The following NXPH3 variants were observed in gnomAD, a reference collection of about 807,000 sequenced individuals.
NXPH3 encodes neurexophilin-3.
A neutral mutation model predicts 18.8 loss-of-function variants in NXPH3; 7 were observed. That is an observed-to-expected ratio of 0.37 (90% confidence interval 0.21 to 0.70). The LOEUF is 0.70. Among genes scored for constraint, NXPH3 ranks in the 30% least tolerant of loss-of-function variants. The probability of loss-of-function intolerance (pLI) is 0.53; values close to 1 mark genes in which losing one functional copy is unlikely to be tolerated. For synonymous variants in NXPH3, 101 were observed against 137.3 expected, an observed-to-expected ratio of 0.74 and a Z score of 1.85; for missense variants, 282 against 338.1, an observed-to-expected ratio of 0.83 and a Z score of 1.30.
rs1490759002 is a variant in NXPH3 at position 49,580,339 on chromosome 17, A to G, written c.*1039A>G. 6.6e-6 allele frequency: 1 copy of G among 152,330 alleles called. No individual in the cohort carries two copies. 9.4% of individuals were successfully genotyped at this position (152,330 alleles called of 1,614,324 possible). A position where few individuals can be genotyped will look rare whatever the true frequency, so the allele number is the denominator to read the frequency against. ...AAGAATCGTGTTCTTGGAGCAGGAA[A>G]TAAAGCTTGCCCCGGGGCACTGGAG... On this transcript the variant is annotated 3_prime_UTR_variant, in exon 2 of 2. Transcript: ENST00000328741.
Position 49,581,596 on chromosome 17 carries a change from C to T in NXPH3, c.*2296C>T. ...CTCTCCTGAGTGGAGATGTGAGACA[C>T]ACACCCCTCCTCCAGACCACCCTCC... On this transcript the variant is annotated 3_prime_UTR_variant, in exon 2 of 2. Transcript: ENST00000328741. The T allele has an allele frequency of 1.4e-6, 1 of 700,528 alleles. No individual in the cohort carries two copies. The highest frequency in any genetic ancestry group is 1.5e-5 in the South Asian group (1 of 67,228). The allele number at this position is 700,528 out of a possible 1,614,324, so 43.4% of individuals were successfully genotyped here. A position where few individuals can be genotyped will look rare whatever the true frequency, so the allele number is the denominator to read the frequency against.
chr17:49,581,462 C>T lies in NXPH3; in HGVS notation c.*2162C>T, dbSNP rs2071599950. On this transcript the variant is annotated 3_prime_UTR_variant, in exon 2 of 2. Transcript: ENST00000328741. Reference sequence around the variant, plus strand: ...CCAGCGCTCCGCGCAAACTGGTCCCCTCATACTGCAGCGCAGAGTTGGGTG... The same window carrying T: ...CCAGCGCTCCGCGCAAACTGGTCCCTTCATACTGCAGCGCAGAGTTGGGTG... 1 of 613,726 alleles carries T rather than the reference C, an allele frequency of 1.6e-6. No homozygotes were observed. The highest frequency in any genetic ancestry group is 2.9e-6 in the Non-Finnish European group (1 of 341,702). 38.0% of individuals were successfully genotyped at this position (613,726 alleles called of 1,614,324 possible).
intron 1 of NXPH3, 128 bp downstream of exon 1, chr17:49,576,401 G>A (rs1408734803): frequency 2.8e-6 from 3 of 1,059,080 alleles, no homozygotes; most frequent in Non-Finnish European, 4.2e-6. Flanking sequence ...GGGAAGACTG[G>A]AGGCTGGGGG....
In NXPH3 at chr17:49,581,972, A is replaced by C; in HGVS notation, c.*2672A>C. 1 of 595,916 alleles carries C rather than the reference A, an allele frequency of 1.7e-6. No homozygotes were observed. The highest frequency in any genetic ancestry group is 2.8e-5 in the East Asian group (1 of 35,588). 36.9% of individuals were successfully genotyped at this position (595,916 alleles called of 1,614,324 possible). On this transcript the variant is annotated 3_prime_UTR_variant, in exon 2 of 2. Coordinates refer to ENST00000328741, the MANE Select transcript of NXPH3 (RefSeq NM_007225.4). ...CACTGCCGCCTCATCCCTCCTTTCC[A>C]CCTTCCCCAGTAGCCTGGCTGCTCT...
At position 49,578,750 on chromosome 17, in the gene NXPH3, C is replaced by T; in HGVS notation, c.209C>T (p.Ala70Val). The T allele has an allele frequency of 6.2e-7, 1 of 1,613,612 alleles. No homozygotes were observed. The highest frequency in any genetic ancestry group is 8.5e-7 in the Non-Finnish European group (1 of 1,179,954). The change falls in exon 2 of 2, where the codon GCC (alanine) becomes GTC (valine). Residue 70 changes from alanine to valine, a missense_variant. By Grantham distance (64) the Ala-to-Val change is moderately conservative. Transcript: ENST00000328741. This position sits in a 1 kb window ranked among gnomAD's most constrained non-coding sequence, Gnocchi z 4.5. ...MANSTLLGLL[A>V]PPGEAWGILG... ...AATTCCACTCTCCTAGGGCTGCTGGCCCCGCCTGGGGAGGCTTGGGGCATT... is the reference window on the plus strand; with the variant it reads ...AATTCCACTCTCCTAGGGCTGCTGGTCCCGCCTGGGGAGGCTTGGGGCATT...
At position 49,582,380 on chromosome 17, in the gene NXPH3, T is replaced by C. The variant is rs2071605238; in HGVS notation, c.*3080T>C. ...GGCAGTCTGAAATGCCCTCAGACCG[T>C]TTAGCGGTCCCGTGGTCCTCCACCC... On this transcript the variant is annotated 3_prime_UTR_variant, in exon 2 of 2. Coordinates refer to ENST00000328741, the MANE Select transcript of NXPH3 (RefSeq NM_007225.4). 1 of 154,792 alleles carries C rather than the reference T, an allele frequency of 6.5e-6. No individual in the cohort carries two copies. The allele number at this position is 154,792 out of a possible 1,614,324, so 9.6% of individuals were successfully genotyped here. A position where few individuals can be genotyped will look rare whatever the true frequency, so the allele number is the denominator to read the frequency against.
rs2071569681 is a variant in NXPH3, at chr17:49,576,146, A to G, written c.-74A>G. On this transcript the variant is annotated 5_prime_UTR_variant, in exon 1 of 2. Transcript: ENST00000328741. The stretch of plus-strand genomic sequence containing the variant: ...GAGCATGGGACGGCGCGCCTGAAGG[A>G]GCAGGAAGGGGAAGGAGGCCTGGGA... The G allele has an allele frequency of 6.5e-7, 1 of 1,530,244 alleles. No individual in the cohort carries two copies. The highest frequency in any genetic ancestry group is 8.9e-7 in the Non-Finnish European group (1 of 1,129,388). The allele number at this position is 1,530,244 out of a possible 1,614,324, so 94.8% of individuals were successfully genotyped here. A position where few individuals can be genotyped will look rare whatever the true frequency, so the allele number is the denominator to read the frequency against.
Position 49,581,193 on chromosome 17 carries a change from T to C in NXPH3, c.*1893T>C, listed in dbSNP as rs2143047104. 1 of 231,336 alleles carries C rather than the reference T, an allele frequency of 4.3e-6. No individual in the cohort carries two copies. The allele number at this position is 231,336 out of a possible 1,614,324, so 14.3% of individuals were successfully genotyped here. ...GGGCCTGCGTCAGTCACTCCCCTCCTGCAGCTAGTAAGAGGCCTCAGAATG... is the reference window on the plus strand; with the variant it reads ...GGGCCTGCGTCAGTCACTCCCCTCCCGCAGCTAGTAAGAGGCCTCAGAATG... On this transcript the variant is annotated 3_prime_UTR_variant, in exon 2 of 2. Coordinates refer to ENST00000328741, the MANE Select transcript of NXPH3 (RefSeq NM_007225.4).
intron 1 of NXPH3, 138 bp downstream of exon 1, chr17:49,576,411 G>A: frequency 1.0e-6 from 1 of 992,802 alleles, no homozygotes; most frequent in Non-Finnish European, 1.5e-6. Flanking sequence ...GAGGCTGGGG[G>A]AGAGGGCGGG....
In NXPH3 at chr17:49,579,437, G is replaced by C; in HGVS notation, c.*137G>C. Reference sequence around the variant, plus strand: ...GTGGAGACGAGGAGATGCCAAGTGGGGCCAGGGCCAAGTCTCAAGTGGCAG... The same window carrying C: ...GTGGAGACGAGGAGATGCCAAGTGGCGCCAGGGCCAAGTCTCAAGTGGCAG... On this transcript the variant is annotated 3_prime_UTR_variant, in exon 2 of 2. Transcript: ENST00000328741. This position sits in a 1 kb window ranked among gnomAD's most constrained non-coding sequence, Gnocchi z 6.0. The C allele has an allele frequency of 1.4e-6, 1 of 722,638 alleles. No individual in the cohort carries two copies. The highest frequency in any genetic ancestry group is 1.8e-5 in the South Asian group (1 of 54,060). The allele number at this position is 722,638 out of a possible 1,614,324, so 44.8% of individuals were successfully genotyped here.
At position 49,579,225 on chromosome 17, in the gene NXPH3, G is replaced by A. The variant is rs199888859; in HGVS notation, c.684G>A (p.Thr228=). 83 of 1,606,330 alleles carry A rather than the reference G, an allele frequency of 5.2e-5. No homozygotes were observed. Among genetic ancestry groups the A allele is most frequent in the Middle Eastern group, 5.0e-4 (3 of 6,060 alleles). Residue 228 remains threonine, a synonymous_variant, in exon 2 of 2, where the codon ACG becomes ACA. Transcript: ENST00000328741. The surrounding 1 kb of genome is among the most constrained non-coding windows in gnomAD (Gnocchi z 6.0). ...VVCVYIAFYS[T]DYRLVQKVCP... Reference sequence around the variant, plus strand: ...GTGTCTACATCGCCTTCTACAGCACGGACTATCGGCTGGTCCAGAAGGTGT... The same window carrying A: ...GTGTCTACATCGCCTTCTACAGCACAGACTATCGGCTGGTCCAGAAGGTGT...
chr17:49,577,163 C>T (rs535762692), intron 1 of NXPH3, among the ~76,000 whole-genome samples: 1 of 152,256 alleles, frequency 6.6e-6, no homozygotes, highest in East Asian at 1.9e-4. Flanking sequence ...ACCTACAGGT[C>T]TGCAGCCCTA....
At position 49,583,375 on chromosome 17, in the gene NXPH3, TGCCA is replaced by T. The variant is rs1404328489; in HGVS notation, c.*4076_*4079del. The T allele has an allele frequency of 6.6e-6, 1 of 152,322 alleles. No homozygotes were observed. Among genetic ancestry groups the T allele is most frequent in the Non-Finnish European group, 1.5e-5 (1 of 68,124 alleles). 9.4% of individuals were successfully genotyped at this position (152,322 alleles called of 1,614,324 possible). A position where few individuals can be genotyped will look rare whatever the true frequency, so the allele number is the denominator to read the frequency against. On this transcript the variant is annotated 3_prime_UTR_variant, in exon 2 of 2. Coordinates refer to ENST00000328741, the MANE Select transcript of NXPH3 (RefSeq NM_007225.4). ...GGCAAGATGGGGTGGGGGCGGCACCTGCCAATTATGCCAAAGTCTTGGAGTGGCA... is the reference window on the plus strand; with the variant it reads ...GGCAAGATGGGGTGGGGGCGGCACCTATTATGCCAAAGTCTTGGAGTGGCA...
Position 49,576,165 on chromosome 17 carries a change from C to G in NXPH3, c.-55C>G. ...TGAAGGAGCAGGAAGGGGAAGGAGG[C>G]CTGGGACCCCGAAAAGAGAAGGGGA... On this transcript the variant is annotated 5_prime_UTR_variant, in exon 1 of 2. Coordinates refer to ENST00000328741, the MANE Select transcript of NXPH3 (RefSeq NM_007225.4). The G allele has an allele frequency of 6.5e-7, 1 of 1,548,190 alleles. No individual in the cohort carries two copies. Among genetic ancestry groups the G allele is most frequent in the Non-Finnish European group, 8.7e-7 (1 of 1,144,316 alleles).
At position 49,576,092 on chromosome 17, in the gene NXPH3, AG is replaced by A. The variant is rs2071569299; in HGVS notation, c.-124del. 3 of 1,143,868 alleles carry A rather than the reference AG, an allele frequency of 2.6e-6. No homozygotes were observed. The highest frequency in any genetic ancestry group is 3.8e-6 in the Non-Finnish European group (3 of 793,780). The allele number at this position is 1,143,868 out of a possible 1,614,324, so 70.9% of individuals were successfully genotyped here. A position where few individuals can be genotyped will look rare whatever the true frequency, so the allele number is the denominator to read the frequency against. ...GGGGTCGGCCCTGGGCGACCCGCTG[AG>A]GGGAGGGCCGCGGGCCGCCGGGGAC... On this transcript the variant is annotated 5_prime_UTR_variant, in exon 1 of 2. Transcript: ENST00000328741.
In NXPH3 at chr17:49,579,699, G is replaced by A. The variant is rs1010479247; in HGVS notation, c.*399G>A. ...CCTGAGGAAAGATAGCAACAGGGAG[G>A]GGGAGATTTCATCAGTGTGGACAGC... On this transcript the variant is annotated 3_prime_UTR_variant, in exon 2 of 2. Coordinates refer to ENST00000328741, the MANE Select transcript of NXPH3 (RefSeq NM_007225.4). This position sits in a 1 kb window ranked among gnomAD's most constrained non-coding sequence, Gnocchi z 6.0. 4 of 203,552 alleles carry A rather than the reference G, an allele frequency of 2.0e-5. No homozygotes were observed. The highest frequency in any genetic ancestry group is 4.0e-5 in the Non-Finnish European group (4 of 100,108). 12.6% of individuals were successfully genotyped at this position (203,552 alleles called of 1,614,324 possible).
At position 49,579,466 on chromosome 17, in the gene NXPH3, A is replaced by G; in HGVS notation, c.*166A>G. ...AGGGCCAAGTCTCAAGTGGCAGAGA[A>G]AGGGTCCCAAGTGCTGGTCCCAACC... On this transcript the variant is annotated 3_prime_UTR_variant, in exon 2 of 2. Transcript: ENST00000328741. This position sits in a 1 kb window ranked among gnomAD's most constrained non-coding sequence, Gnocchi z 6.0. The G allele has an allele frequency of 6.3e-6, 4 of 630,362 alleles. No individual in the cohort carries two copies. Among genetic ancestry groups the G allele is most frequent in the African/African-American group, 1.8e-5 (1 of 54,420 alleles). 39.0% of individuals were successfully genotyped at this position (630,362 alleles called of 1,614,324 possible).
chr17:49,578,656 G>A lies in NXPH3; in HGVS notation c.115G>A (p.Glu39Lys), dbSNP rs143741949. The A allele has an allele frequency of 2.7e-5, 44 of 1,607,026 alleles. 1 individual carries two copies. The highest frequency in any genetic ancestry group is 1.9e-4 in the Admixed American group (11 of 59,362). The change falls in exon 2 of 2, where the codon GAG becomes AAG. Residue 39 changes from glutamate to lysine, a missense_variant. Transcript: ENST00000328741. This position sits in a 1 kb window ranked among gnomAD's most constrained non-coding sequence, Gnocchi z 4.5. ...AGAGGACCCTGAGCGTGATGACCACGAGGGCCAGCCCCGGCCCCGGGTGCC... is the reference window on the plus strand; with the variant it reads ...AGAGGACCCTGAGCGTGATGACCACAAGGGCCAGCCCCGGCCCCGGGTGCC... ...GSEDPERDDH[E>K]GQPRPRVPRK... is the part of the protein sequence containing the mutation.
At position 49,576,132 on chromosome 17, in the gene NXPH3, G is replaced by T. The variant is rs2071569616; in HGVS notation, c.-88G>T. 7 of 1,503,608 alleles carry T rather than the reference G, an allele frequency of 4.7e-6. No homozygotes were observed. In the South Asian group the frequency reaches 7.2e-5, roughly 16 times the overall value. The allele number at this position is 1,503,608 out of a possible 1,614,324, so 93.1% of individuals were successfully genotyped here. On this transcript the variant is annotated 5_prime_UTR_variant, in exon 1 of 2. Coordinates refer to ENST00000328741, the MANE Select transcript of NXPH3 (RefSeq NM_007225.4). Reference sequence around the variant, plus strand: ...GCCGCCGGGGACTGGAGCATGGGACGGCGCGCCTGAAGGAGCAGGAAGGGG... The same window carrying T: ...GCCGCCGGGGACTGGAGCATGGGACTGCGCGCCTGAAGGAGCAGGAAGGGG...
Sources: gnomAD v4.1 joint callset for allele counts (sites outside exome capture counted in the v4.1 genomes callset) on GRCh38, gnomAD v4.1.1 for gene constraint, Gnocchi (gnomAD v3.1) non-coding constraint, MANE v1.5 for transcripts, NCBI Gene and HGNC (gene_info 2026-07-23, HGNC 2026-07-21) for gene names.